The following ANGPT1 variants were observed in gnomAD, a reference collection of about 807,000 sequenced individuals.
The protein encoded by ANGPT1 is angiopoietin-1.
Under a neutral mutation model 62.2 loss-of-function variants are expected in ANGPT1, and 17 were observed. That is an observed-to-expected ratio of 0.27 (90% CI 0.19 to 0.41). ANGPT1 has a LOEUF of 0.41. Among genes scored for constraint, ANGPT1 ranks in the 10% least tolerant of loss-of-function variants. The pLI is 1.00. For missense variants in ANGPT1, 478 were observed against 594.9 expected, an observed-to-expected ratio of 0.80 and a Z score of 2.04; for synonymous variants, 199 against 198.9, an observed-to-expected ratio of 1.00 and a Z score of 0.00.
intron 2 of ANGPT1, among the ~76,000 whole-genome samples, chr8:107,342,951 C>T (rs1050441332): frequency 6.6e-6 from 1 of 151,312 alleles, no homozygotes; most frequent in African/African-American, 2.4e-5. Flanking sequence ...ATCCTCCAGC[C>T]TTAGCTCCGT....
chr8:107,456,779 C>G (rs1426017671), intron 1 of ANGPT1, among the ~76,000 whole-genome samples: 2 of 151,850 alleles, frequency 1.3e-5, no homozygotes. Flanking sequence ...CCTAGAGAAC[C>G]AAATGTATAA....
At chr8:107,413,983 G>A (rs1171265752) in intron 1 of ANGPT1, among the ~76,000 whole-genome samples, 3 of 152,144 alleles carry the variant, frequency 2.0e-5, no homozygotes, top group African/African-American at 2.4e-5. Flanking sequence ...AGTGGGTTTG[G>A]TGGTGGTGAA....
At chr8:107,313,256 G>A (rs2130024664) in intron 4 of ANGPT1, among the ~76,000 whole-genome samples, 1 of 151,974 alleles carries the variant, frequency 6.6e-6, no homozygotes, top group East Asian at 1.9e-4. Context: ...GTAATTCTTT[G>A]TAGGCTGCAT....
intron 4 of ANGPT1, among the ~76,000 whole-genome samples, chr8:107,315,841 G>C (rs1815001519): frequency 6.6e-6 from 1 of 152,048 alleles, no homozygotes; most frequent in South Asian, 2.1e-4. Flanking sequence ...TTTCCTGATG[G>C]ATCTGTGACC....
At chr8:107,481,825 A>AACTCAC (rs1191354127) in intron 1 of ANGPT1, among the ~76,000 whole-genome samples, 1 of 152,146 alleles carries the variant, frequency 6.6e-6, no homozygotes. Context: ...CTATCGTGAG[A>AACTCAC]ACTCACCCAC....
Position 107,311,322 on chromosome 8 carries a change from C to T in ANGPT1, c.809-7955G>A, listed in dbSNP as rs1293016336. Among the ~76,000 whole-genome samples, 13 of 151,388 alleles carry T rather than the reference C, an allele frequency of 8.6e-5. No individual in the cohort carries two copies. In the South Asian group the frequency reaches 1.0e-3, roughly 12 times the overall value. On this transcript the variant is annotated intron_variant, in intron 4 of 8. Coordinates refer to ENST00000517746, the MANE Select transcript of ANGPT1 (RefSeq NM_001146.5). The stretch of plus-strand genomic sequence containing the variant: ...GAAAATTAATTCATATGGATAATAA[C>T]GGATTAAATTATTAGAAAAAAAGCC...
chr8:107,327,006 C>G (rs1187336248), intron 3 of ANGPT1, among the ~76,000 whole-genome samples: 1 of 152,030 alleles, frequency 6.6e-6, no homozygotes, highest in African/African-American at 2.4e-5. Context: ...TACCAGGAAC[C>G]AAGGCACTGC....
intron 1 of ANGPT1, among the ~76,000 whole-genome samples, chr8:107,403,391 G>T (rs1478536965): frequency 6.6e-6 from 1 of 152,034 alleles, no homozygotes; most frequent in Non-Finnish European, 1.5e-5. Flanking sequence ...ACTGTTATTC[G>T]GCCTCTATTA....
intron 1 of ANGPT1, among the ~76,000 whole-genome samples, chr8:107,479,704 A>G (rs1016221064): frequency 4.6e-5 from 7 of 152,320 alleles, no homozygotes; most frequent in African/African-American, 1.7e-4. Context: ...TCAAAAATCC[A>G]AATTCCCAGA....
chr8:107,304,637 C>T (rs866931081), intron 4 of ANGPT1, among the ~76,000 whole-genome samples: 82 of 151,770 alleles, frequency 5.4e-4, no homozygotes, highest in African/African-American at 1.9e-3. Flanking sequence ...AGGTATTGAG[C>T]AGTCTAATCT....
At chr8:107,367,286 TATGCC>T in intron 1 of ANGPT1, among the ~76,000 whole-genome samples, 1 of 152,188 alleles carries the variant, frequency 6.6e-6, no homozygotes, top group Non-Finnish European at 1.5e-5. Flanking sequence ...GAAATAGCAT[TATGCC>T]TAAAAAACAA....
In ANGPT1 at chr8:107,459,104, T is replaced by A. The variant is rs1811998653; in HGVS notation, c.297+38158A>T. ...ACTCTGTATCCTTTTGTCCTCTCCC[T>A]CAACTCCTACTCTCTTACTCAATAT... On this transcript the variant is annotated intron_variant, in intron 1 of 8. Coordinates refer to ENST00000517746, the MANE Select transcript of ANGPT1 (RefSeq NM_001146.5). Among the ~76,000 whole-genome samples the A allele has an allele frequency of 2.6e-5, 4 of 152,142 alleles. No individual in the cohort carries two copies. The South Asian group carries it at 8.3e-4, about 32-fold the overall frequency.
chr8:107,477,706 C>A (rs1344029974), intron 1 of ANGPT1, among the ~76,000 whole-genome samples: 1 of 152,026 alleles, frequency 6.6e-6, no homozygotes, highest in African/African-American at 2.4e-5. Flanking sequence ...ATTTTATATT[C>A]TATAAAACTA....
chr8:107,284,948 A>G, intron 6 of ANGPT1, 100 bp from the exon 7 acceptor site: 1 of 994,884 alleles, frequency 1.0e-6, no homozygotes. Flanking sequence ...AATTATTAAA[A>G]AGTAAAGGTT....
At chr8:107,451,461 GA>G (rs553066345) in intron 1 of ANGPT1, among the ~76,000 whole-genome samples, 364 of 152,032 alleles carry the variant, frequency 2.4e-3, no homozygotes, top group Non-Finnish European at 3.9e-3. Context: ...GACAAGGGGA[GA>G]GATTTTATCA....
At chr8:107,390,044 C>T (rs1586282298) in intron 1 of ANGPT1, among the ~76,000 whole-genome samples, 2 of 152,002 alleles carry the variant, frequency 1.3e-5, no homozygotes, top group African/African-American at 4.8e-5. Context: ...AATTTCAAAG[C>T]CTGTAAATCT....
intron 4 of ANGPT1, among the ~76,000 whole-genome samples, chr8:107,319,459 C>T (rs1009715937): frequency 1.5e-4 from 23 of 151,958 alleles, no homozygotes; most frequent in African/African-American, 4.8e-4. Flanking sequence ...TTAAAATGTA[C>T]ATTTTAGAAT....
At chr8:107,409,569 C>T (rs1055702728) in intron 1 of ANGPT1, among the ~76,000 whole-genome samples, 1 of 152,120 alleles carries the variant, frequency 6.6e-6, no homozygotes, top group Non-Finnish European at 1.5e-5. Flanking sequence ...GTTTTCTCCC[C>T]ATCAAAAGTC....
intron 1 of ANGPT1, among the ~76,000 whole-genome samples, chr8:107,361,806 C>A (rs1317161979): frequency 1.3e-5 from 2 of 151,974 alleles, no homozygotes; most frequent in African/African-American, 4.8e-5. Flanking sequence ...TACCTGTAAT[C>A]CCAGCATTTT....
Sources: gnomAD v4.1 joint callset for allele counts (sites outside exome capture counted in the v4.1 genomes callset) on GRCh38, gnomAD v4.1.1 for gene constraint, MANE v1.5 for transcripts, NCBI Gene and HGNC (gene_info 2026-07-23, HGNC 2026-07-21) for gene names.